Variants in RASGRP3 observed in about 807,000 individuals in gnomAD.
RASGRP3 encodes the protein RAS guanyl releasing protein 3.
In RASGRP3, 54 loss-of-function variants were observed where a neutral mutation model predicts 82.7. The observed-to-expected ratio is 0.65, with a 90% CI of 0.52 to 0.82. RASGRP3 has a LOEUF of 0.82. Ranked by LOEUF, RASGRP3 falls within the 40% of genes least tolerant of loss-of-function variation. The probability of loss-of-function intolerance (pLI) is 0.00; values close to 1 mark genes in which losing one functional copy is unlikely to be tolerated. For missense variants in RASGRP3, 861 were observed against 828.9 expected (o/e 1.04, Z -0.48); for synonymous variants, 309 against 300.5 (o/e 1.03, Z -0.29).
intron 2 of RASGRP3, among the ~76,000 whole-genome samples, chr2:33,456,764 A>G (rs1174212349): frequency 6.6e-6 from 1 of 152,232 alleles, no homozygotes; most frequent in Admixed American, 6.5e-5. Context: ...ACACACAGGC[A>G]TAACTGGTTG....
At chr2:33,450,246 A>C (rs1017343941) in intron 2 of RASGRP3, among the ~76,000 whole-genome samples, 3 of 152,332 alleles carry the variant, frequency 2.0e-5, no homozygotes, top group Middle Eastern at 3.4e-3. Flanking sequence ...TTTTGTGGTG[A>C]GAACATTTAA....
At chr2:33,537,329 C>CCCA (rs1673746476) in intron 11 of RASGRP3, among the ~76,000 whole-genome samples, 1 of 82,864 alleles carries the variant, frequency 1.2e-5, no homozygotes, top group African/African-American at 6.4e-5. Context: ...CACCGCCCCC[C>CCCA]CCACACACAC....
At chr2:33,541,971 G>A (rs796803335) in intron 12 of RASGRP3, among the ~76,000 whole-genome samples, 1 of 146,824 alleles carries the variant, frequency 6.8e-6, no homozygotes, top group African/African-American at 2.4e-5. Context: ...TAGTGCAGTG[G>A]CTCATGCCTA....
chr2:33,523,736 C>T, intron 7 of RASGRP3, 143 bp from the exon 8 acceptor site: 5 of 920,796 alleles, frequency 5.4e-6, no homozygotes, highest in East Asian at 2.6e-5. Context: ...TATATTCAAA[C>T]TTTTAGGATG....
At chr2:33,436,734 A>G (rs756937491) in intron 1 of RASGRP3, 7 of 152,212 alleles carry the variant, frequency 4.6e-5, no homozygotes, top group Non-Finnish European at 7.3e-5. Context: ...CTCTGAAGAA[A>G]TGTAGAAATC....
At chr2:33,499,933 A>G (rs1307499764) in intron 1 of RASGRP3, among the ~76,000 whole-genome samples, 1 of 152,174 alleles carries the variant, frequency 6.6e-6, no homozygotes, top group East Asian at 1.9e-4. Context: ...TTCTTAAGCC[A>G]TTGGAGAGAC....
At chr2:33,520,973 C>T (rs745737326) in intron 6 of RASGRP3, among the ~76,000 whole-genome samples, 1 of 152,204 alleles carries the variant, frequency 6.6e-6, no homozygotes. Flanking sequence ...AATAGATGCT[C>T]AGTGTTAGTT....
chr2:33,500,156 C>G (rs1669730825), intron 1 of RASGRP3, among the ~76,000 whole-genome samples: 1 of 152,096 alleles, frequency 6.6e-6, no homozygotes, highest in African/African-American at 2.4e-5. Context: ...CCAGAGTTCC[C>G]TTTCACAGCA....
chr2:33,479,954 T>C (rs778577528), intron 1 of RASGRP3, among the ~76,000 whole-genome samples: 4 of 152,148 alleles, frequency 2.6e-5, no homozygotes, highest in African/African-American at 4.8e-5. Context: ...GTGTGGATGT[T>C]TCTGAGGAAG....
At chr2:33,467,463 A>C (rs1666766636) in intron 2 of RASGRP3, among the ~76,000 whole-genome samples, 1 of 152,186 alleles carries the variant, frequency 6.6e-6, no homozygotes, top group Non-Finnish European at 1.5e-5. Flanking sequence ...GTAAGAAAAA[A>C]AGAGAAGGTA....
chr2:33,554,600 G>A (rs1270600042), intron 14 of RASGRP3, among the ~76,000 whole-genome samples: 1 of 152,230 alleles, frequency 6.6e-6, no homozygotes, highest in East Asian at 1.9e-4. Context: ...AGCCTCCCAA[G>A]TAGCTGGGAC....
chr2:33,529,241 T>A lies in RASGRP3; in HGVS notation c.1083+1829T>A, dbSNP rs570430645. ...TGGGCGTGGTGGCTCAAGCCTGTAA[T>A]TCCAGCACTTTGGGAGGCCAAGGCG... On this transcript the variant is annotated intron_variant, in intron 10 of 17. Coordinates refer to ENST00000403687, the MANE Select transcript of RASGRP3 (RefSeq NM_001139488.2). Among the ~76,000 whole-genome samples, 164 of 152,144 alleles carry A rather than the reference T, an allele frequency of 1.1e-3. 1 individual carries two copies. Among genetic ancestry groups the A allele is most frequent in the East Asian group, 4.8e-3 (25 of 5,180 alleles).
intron 2 of RASGRP3, among the ~76,000 whole-genome samples, chr2:33,465,539 A>G (rs926343291): frequency 1.3e-4 from 20 of 152,220 alleles, no homozygotes; most frequent in African/African-American, 4.8e-4. Context: ...AAATAAATGA[A>G]CATGTTATTA....
intron 14 of RASGRP3, among the ~76,000 whole-genome samples, chr2:33,554,205 C>T (rs1472021683): frequency 5.9e-5 from 9 of 152,144 alleles, no homozygotes; most frequent in Non-Finnish European, 7.3e-5. Context: ...TCTGGAAGAG[C>T]GGGCCATGCT....
At chr2:33,497,571 C>T (rs1259306141) in intron 1 of RASGRP3, among the ~76,000 whole-genome samples, 1 of 152,176 alleles carries the variant, frequency 6.6e-6, no homozygotes, top group Non-Finnish European at 1.5e-5. Context: ...TATTTTCATT[C>T]TACAGAAGAA....
At chr2:33,524,096 G>T (rs148607445) in intron 8 of RASGRP3, 44 bp downstream of exon 8, 2 of 1,585,928 alleles carry the variant, frequency 1.3e-6, no homozygotes, top group Non-Finnish European at 1.7e-6. Context: ...CTAGATGTTC[G>T]TTCACTCTGT....
rs2151131862 is a variant in RASGRP3, at chr2:33,563,237, T to C, written c.*500T>C. 1 of 154,796 alleles carries C rather than the reference T, an allele frequency of 6.5e-6. No homozygotes were observed. Among genetic ancestry groups the C allele is most frequent in the East Asian group, 1.9e-4 (1 of 5,230 alleles). 9.6% of individuals were successfully genotyped at this position (154,796 alleles called of 1,614,324 possible). A position where few individuals can be genotyped will look rare whatever the true frequency, so the allele number is the denominator to read the frequency against. On this transcript the variant is annotated 3_prime_UTR_variant, in exon 18 of 18. Coordinates refer to ENST00000403687, the MANE Select transcript of RASGRP3 (RefSeq NM_001139488.2). The stretch of plus-strand genomic sequence containing the variant: ...TTTTGTTTTGTTTTGTTCTTCTTGG[T>C]GTGCTTTTTGGATGGGACCAGAACT...
chr2:33,490,098 A>G (rs147215829), intron 1 of RASGRP3, among the ~76,000 whole-genome samples: 68 of 152,068 alleles, frequency 4.5e-4, no homozygotes, highest in Admixed American at 2.2e-3. Context: ...GTTTGTAACC[A>G]TGTTCTTCTT....
intron 2 of RASGRP3, among the ~76,000 whole-genome samples, chr2:33,461,894 C>G (rs1248511792): frequency 6.6e-6 from 1 of 152,114 alleles, no homozygotes; most frequent in Non-Finnish European, 1.5e-5. Flanking sequence ...AGGTTAAAAG[C>G]CCAGGCCTCA....
Sources: allele counts gnomAD v4.1 joint callset (sites outside exome capture counted in the v4.1 genomes callset), GRCh38; gene constraint gnomAD v4.1.1; transcripts MANE v1.5; gene names NCBI Gene and HGNC (gene_info 2026-07-23, HGNC 2026-07-21).